The following DOCK3 variants were observed in gnomAD, a reference collection of about 807,000 sequenced individuals.
DOCK3 encodes the protein dedicator of cytokinesis protein 3.
In DOCK3, 60 loss-of-function variants were observed where a neutral mutation model predicts 265.6. The observed-to-expected ratio is 0.23, with a 90% CI of 0.18 to 0.28. The LOEUF (loss-of-function observed/expected upper bound fraction) is 0.28, where lower values mean the gene tolerates loss of function less well. Ranked by LOEUF, DOCK3 falls within the 10% of genes least tolerant of loss-of-function variation. The probability of loss-of-function intolerance (pLI) is 1.00; values close to 1 mark genes in which losing one functional copy is unlikely to be tolerated. For synonymous variants in DOCK3, 881 were observed against 938.0 expected, an observed-to-expected ratio of 0.94 and a Z score of 1.11; for missense variants, 1,981 against 2,594.3, an observed-to-expected ratio of 0.76 and a Z score of 5.14.
chr3:51,187,653 A>T (rs1290948256), intron 12 of DOCK3, among the ~76,000 whole-genome samples: 6 of 150,986 alleles, frequency 4.0e-5, no homozygotes, highest in African/African-American at 1.5e-4. Context: ...CCGGTGGGAG[A>T]TGATTGAATC....
At chr3:51,073,560 A>G (rs938180586) in intron 6 of DOCK3, among the ~76,000 whole-genome samples, 2 of 152,202 alleles carry the variant, frequency 1.3e-5, no homozygotes, top group Non-Finnish European at 2.9e-5. Flanking sequence ...ATTAACTTCA[A>G]TTGGCATAGT....
At position 51,359,381 on chromosome 3, in the gene DOCK3, C is replaced by T. The variant is rs1212948210; in HGVS notation, c.4885-1130C>T. On this transcript the variant is annotated intron_variant, in intron 46 of 52. Coordinates refer to ENST00000266037, the MANE Select transcript of DOCK3 (RefSeq NM_004947.5). This position sits in a 1 kb window ranked among gnomAD's most constrained non-coding sequence, Gnocchi z 4.8. The stretch of plus-strand genomic sequence containing the variant: ...AAAGCCTGGAGATCCTGAAATTTCT[C>T]CCTCTGTTAGGATTCTCCCATGGTA... Among the ~76,000 whole-genome samples, 3 of 152,226 alleles carry T rather than the reference C, an allele frequency of 2.0e-5. No homozygotes were observed. Among genetic ancestry groups the T allele is most frequent in the Non-Finnish European group, 4.4e-5 (3 of 68,040 alleles).
chr3:51,141,140 A>T (rs1404458686), intron 9 of DOCK3, among the ~76,000 whole-genome samples: 1 of 150,748 alleles, frequency 6.6e-6, no homozygotes, highest in African/African-American at 2.4e-5. Context: ...TTCCTACCTA[A>T]GAAACCATTA....
At chr3:51,041,058 T>C (rs1451236025) in intron 5 of DOCK3, among the ~76,000 whole-genome samples, 1 of 150,746 alleles carries the variant, frequency 6.6e-6, no homozygotes, top group African/African-American at 2.4e-5. Context: ...GAATTGCTCT[T>C]AATGGCCTCT....
intron 22 of DOCK3, among the ~76,000 whole-genome samples, chr3:51,248,419 TC>T (rs1480524811): frequency 1.3e-5 from 2 of 152,242 alleles, no homozygotes; most frequent in African/African-American, 4.8e-5. Flanking sequence ...GGTCTCCAGC[TC>T]CTAACCGCGA....
At chr3:50,841,606 AAAAATACTATT>A in intron 2 of DOCK3, 58 bp from the exon 3 acceptor site, 1 of 695,560 alleles carries the variant, frequency 1.4e-6, no homozygotes, top group Admixed American at 3.5e-5. Context: ...ATTTTTTTCA[AAAAATACTATT>A]GTGTCTCTTA....
intron 5 of DOCK3, among the ~76,000 whole-genome samples, chr3:50,972,330 A>G (rs1429642444): frequency 6.6e-6 from 1 of 152,172 alleles, no homozygotes; most frequent in Non-Finnish European, 1.5e-5. Context: ...CTTTGTGTGC[A>G]GTGGTGGGTA....
intron 2 of DOCK3, among the ~76,000 whole-genome samples, chr3:50,832,714 A>G (rs2107135712): frequency 6.6e-6 from 1 of 152,172 alleles, no homozygotes; most frequent in East Asian, 1.9e-4. Flanking sequence ...TCTCCCTTTT[A>G]CAAGGGAACT....
chr3:51,200,538 A>C (rs903534842), intron 12 of DOCK3, among the ~76,000 whole-genome samples: 5 of 150,692 alleles, frequency 3.3e-5, no homozygotes, highest in Admixed American at 6.6e-5. Flanking sequence ...GACCAAATCT[A>C]CGTCTGATTG....
At chr3:51,312,668 C>CA in intron 30 of DOCK3, 92 bp downstream of exon 30, 1 of 1,347,082 alleles carries the variant, frequency 7.4e-7, no homozygotes, top group South Asian at 1.5e-5. Flanking sequence ...ACAAGGTTCT[C>CA]AGCTGGGTGG....
At chr3:50,945,504 A>C (rs558596798) in intron 5 of DOCK3, among the ~76,000 whole-genome samples, 2 of 152,320 alleles carry the variant, frequency 1.3e-5, no homozygotes, top group African/African-American at 4.8e-5. Context: ...TTTTTTAAAG[A>C]GTCTCTAAGA....
intron 9 of DOCK3, among the ~76,000 whole-genome samples, chr3:51,113,911 A>G (rs1288528617): frequency 6.6e-6 from 1 of 152,124 alleles, no homozygotes; most frequent in Non-Finnish European, 1.5e-5. Flanking sequence ...CAGGAGTTTG[A>G]GATCAGCCTG....
At chr3:50,977,077 T>G (rs1461880666) in intron 5 of DOCK3, among the ~76,000 whole-genome samples, 2 of 150,486 alleles carry the variant, frequency 1.3e-5, no homozygotes, top group African/African-American at 2.4e-5. Flanking sequence ...AGCACACTGA[T>G]GGGTCTTGAC....
At chr3:51,327,658 A>G (rs537179538) in intron 32 of DOCK3, among the ~76,000 whole-genome samples, 6 of 146,988 alleles carry the variant, frequency 4.1e-5, no homozygotes, top group Admixed American at 1.4e-4. Flanking sequence ...AATGTCCCCC[A>G]TATCCTTCCA....
intron 40 of DOCK3, 46 bp from the exon 41 acceptor site, chr3:51,354,836 G>C (rs1369735469): frequency 1.3e-6 from 2 of 1,591,948 alleles, no homozygotes; most frequent in Admixed American, 3.4e-5. Context: ...GAGGTGGGGG[G>C]CTACAAGCAA....
rs892289576 is a variant in DOCK3 at position 50,977,302 on chromosome 3, T to A, written c.315+43225T>A. On this transcript the variant is annotated intron_variant, in intron 5 of 52. Coordinates refer to ENST00000266037, the MANE Select transcript of DOCK3 (RefSeq NM_004947.5). The stretch of plus-strand genomic sequence containing the variant: ...GGTACCGGTTGTTCCTTTCCATGTT[T>A]AGCACTTCCTTCAGGAGCTCTTGTA... 6.6e-4 allele frequency among the ~76,000 whole-genome samples: 101 copies of A among 152,282 alleles called. 1 individual carries two copies. The highest frequency in any genetic ancestry group is 1.9e-3 in the South Asian group (9 of 4,818).
At chr3:51,379,049 A>G (rs1214298306) in intron 51 of DOCK3, among the ~76,000 whole-genome samples, 2 of 152,086 alleles carry the variant, frequency 1.3e-5, no homozygotes, top group Admixed American at 6.5e-5. Flanking sequence ...GCAGTAGGAG[A>G]GCTGACTCTA....
chr3:50,848,016 C>T (rs926250716), intron 3 of DOCK3, among the ~76,000 whole-genome samples: 12 of 151,360 alleles, frequency 7.9e-5, no homozygotes, highest in Non-Finnish European at 1.5e-4. Context: ...ATAGTTAAGT[C>T]TTGTTGAATT....
At chr3:50,755,961 T>C (rs2040134814) in intron 1 of DOCK3, among the ~76,000 whole-genome samples, 1 of 152,196 alleles carries the variant, frequency 6.6e-6, no homozygotes, top group Non-Finnish European at 1.5e-5. Flanking sequence ...AGTGAGAGTT[T>C]ATTAAAAAGT....
Sources: gnomAD v4.1 joint callset for allele counts (sites outside exome capture counted in the v4.1 genomes callset) on GRCh38, gnomAD v4.1.1 for gene constraint, Gnocchi (gnomAD v3.1) non-coding constraint, MANE v1.5 for transcripts, NCBI Gene and HGNC (gene_info 2026-07-23, HGNC 2026-07-21) for gene names.